The following UNKL variants were observed in gnomAD, a reference collection of about 807,000 sequenced individuals.
UNKL encodes the protein unk like zinc finger, also known as putative E3 ubiquitin-protein ligase UNKL.
UNKL carries 60 observed loss-of-function variants against 78.0 expected under a neutral mutation model. That is an observed-to-expected ratio of 0.77 (90% confidence interval 0.63 to 0.95). The LOEUF (loss-of-function observed/expected upper bound fraction) is 0.95. Among genes scored for constraint, UNKL ranks in the 40% least tolerant of loss-of-function variants. UNKL has a pLI of 0.00. For synonymous variants in UNKL, 608 were observed against 474.8 expected, an observed-to-expected ratio of 1.28 and a Z score of -3.65; for missense variants, 1,159 against 1,045.7, an observed-to-expected ratio of 1.11 and a Z score of -1.49.
At chr16:1,390,576 G>A in intron 9 of UNKL, 56 bp downstream of exon 9, 1 of 1,514,554 alleles carries the variant, frequency 6.6e-7, no homozygotes, top group Non-Finnish European at 8.9e-7. Flanking sequence ...AGGGCGGGAA[G>A]CCTCAGCCCT....
rs1404307702 is a variant in UNKL at position 1,399,013 on chromosome 16, T to G, written c.734+361A>C. ...TGGCAGCTTGGGTGAGGAGACAGCATGCAGCCCACAGGCTGGAGAGCGTGG... is the reference window on the plus strand; with the variant it reads ...TGGCAGCTTGGGTGAGGAGACAGCAGGCAGCCCACAGGCTGGAGAGCGTGG... On this transcript the variant is annotated intron_variant, in intron 5 of 14. Transcript: ENST00000389221. This position sits in a 1 kb window ranked among gnomAD's most constrained non-coding sequence, Gnocchi z 5.8. 2 of 1,458,852 alleles carry G rather than the reference T, an allele frequency of 1.4e-6. No individual in the cohort carries two copies. The highest frequency in any genetic ancestry group is 2.5e-5 in the East Asian group (1 of 39,830). 90.4% of individuals were successfully genotyped at this position (1,458,852 alleles called of 1,614,324 possible). A position where few individuals can be genotyped will look rare whatever the true frequency, so the allele number is the denominator to read the frequency against.
At chr16:1,401,036 T>C (rs1194072617) in intron 4 of UNKL, among the ~76,000 whole-genome samples, 1 of 151,984 alleles carries the variant, frequency 6.6e-6, no homozygotes, top group Non-Finnish European at 1.5e-5. Context: ...TATAACCTCA[T>C]CTGTGTGCCA....
At position 1,399,444 on chromosome 16, in the gene UNKL, G is replaced by T; in HGVS notation, c.664C>A (p.Gln222Lys). 6.2e-7 allele frequency: 1 copy of T among 1,604,860 alleles called. No homozygotes were observed. Among genetic ancestry groups the T allele is most frequent in the Non-Finnish European group, 8.5e-7 (1 of 1,176,410 alleles). The part of the protein sequence containing the change: ...QCPKPPRLCR[Q>K]GYACPHYHNS... ...TGGTAGTGTGGGCACGCATAGCCCT[G>T]GCGGCACAGGCGTGGCGGCTTCGGG... Residue 222 changes from glutamine (Q) to lysine (K), a missense_variant, in exon 5 of 15, where the codon CAG becomes AAG. Physicochemically the swap from Gln to Lys is moderately conservative, Grantham distance 53 (BLOSUM62 1). Coordinates refer to ENST00000389221, the MANE Select transcript of UNKL (RefSeq NM_001372107.1). This position sits in a 1 kb window ranked among gnomAD's most constrained non-coding sequence, Gnocchi z 5.8.
intron 11 of UNKL, among the ~76,000 whole-genome samples, 196 bp downstream of exon 11, chr16:1,371,323 A>T (rs1393531449): frequency 2.0e-5 from 3 of 152,084 alleles, no homozygotes; most frequent in Non-Finnish European, 2.9e-5. Flanking sequence ...GAGGAGGAGG[A>T]GGTACCGCCA....
rs144573381 is a variant in UNKL, at chr16:1,392,747, T to C, written c.1023+144A>G. 9,824 of 1,012,318 alleles carry C rather than the reference T, an allele frequency of 9.7e-3. 122 individuals are homozygous for C. Among genetic ancestry groups the C allele is most frequent in the South Asian group, 0.035 (2,259 of 64,114 alleles). The allele number at this position is 1,012,318 out of a possible 1,614,324, so 62.7% of individuals were successfully genotyped here. On this transcript the variant is annotated intron_variant, in intron 8 of 14. Transcript: ENST00000389221. ...ACTGCCCCCAGCCTAGTGGCAAGGA[T>C]TTTTCTAGACTCTTCTAGAAGAGCC...
intron 10 of UNKL, among the ~76,000 whole-genome samples, chr16:1,376,562 C>A (rs2036241044): frequency 6.6e-6 from 1 of 152,146 alleles, no homozygotes. Context: ...TGGGGGCCAC[C>A]TCTTCCGAGT....
At chr16:1,383,064 G>A (rs2036662619) in intron 10 of UNKL, among the ~76,000 whole-genome samples, 1 of 148,592 alleles carries the variant, frequency 6.7e-6, no homozygotes, top group African/African-American at 2.5e-5. Flanking sequence ...TCAAGACCAG[G>A]CTGGCCAATA....
intron 10 of UNKL, chr16:1,383,786 A>G: frequency 2.3e-6 from 1 of 438,660 alleles, no homozygotes; most frequent in Non-Finnish European, 4.7e-6. Flanking sequence ...TCCCACTCCA[A>G]GTCCCCAGAG....
intron 2 of UNKL, chr16:1,406,184 A>C (rs2037754437): frequency 2.6e-6 from 1 of 383,668 alleles, no homozygotes; most frequent in South Asian, 1.8e-5. Flanking sequence ...TGATGGGAGG[A>C]ACAGGCGTAC....
chr16:1,385,726 C>T lies in UNKL; in HGVS notation c.1087-341G>A, dbSNP rs535604583. Among the ~76,000 whole-genome samples, 9 of 152,366 alleles carry T rather than the reference C, an allele frequency of 5.9e-5. No homozygotes were observed. In the East Asian group the frequency reaches 1.5e-3, roughly 26 times the overall value. On this transcript the variant is annotated intron_variant, in intron 9 of 14. Transcript: ENST00000389221. Reference sequence around the variant, plus strand: ...GTCAGCGGCCAGGAGCCCGCCAGCCCGAGGGGCAAGCCGTGCAGCCTGCCT... The same window carrying T: ...GTCAGCGGCCAGGAGCCCGCCAGCCTGAGGGGCAAGCCGTGCAGCCTGCCT...
chr16:1,399,375 T>C lies in UNKL; in HGVS notation c.733A>G (p.Arg245Gly). Reference protein sequence around the residue: ...RRRNPRRFQYRSTPCPSVKHG... With the variant: ...RRRNPRRFQYGSTPCPSVKHG... ...CTGAGCACGGTCCCGCAGGCTCACC[T>C]GTACTGGAACCGCCGGGGGTTGCGC... Residue 245 changes from arginine (R) to glycine (G), a missense_variant and splice_region_variant, in exon 5 of 15, where the codon AGG (arginine) becomes GGG (glycine). Arg to Gly is a moderately radical substitution (Grantham distance 125, BLOSUM62 -2). Coordinates refer to ENST00000389221, the MANE Select transcript of UNKL (RefSeq NM_001372107.1). The surrounding 1 kb of genome is among the most constrained non-coding windows in gnomAD (Gnocchi z 5.8). 5 of 1,591,200 alleles carry C rather than the reference T, an allele frequency of 3.1e-6. No individual in the cohort carries two copies. The highest frequency in any genetic ancestry group is 4.3e-6 in the Non-Finnish European group (5 of 1,167,310).
In UNKL at chr16:1,399,069, G is replaced by A. The variant is rs1368435986; in HGVS notation, c.734+305C>T. 2 of 1,365,356 alleles carry A rather than the reference G, an allele frequency of 1.5e-6. No individual in the cohort carries two copies. Among genetic ancestry groups the A allele is most frequent in the Non-Finnish European group, 1.9e-6 (2 of 1,035,100 alleles). The allele number at this position is 1,365,356 out of a possible 1,614,324, so 84.6% of individuals were successfully genotyped here. A position where few individuals can be genotyped will look rare whatever the true frequency, so the allele number is the denominator to read the frequency against. ...ACCAGAGGCACGGGTGGGGCACACG[G>A]GGGTCCCAGCTGGGCTTGGGGTCCC... On this transcript the variant is annotated intron_variant, in intron 5 of 14. Coordinates refer to ENST00000389221, the MANE Select transcript of UNKL (RefSeq NM_001372107.1). The surrounding 1 kb of genome is among the most constrained non-coding windows in gnomAD (Gnocchi z 5.8).
rs1156820125 is a variant in UNKL at position 1,366,277 on chromosome 16, T to C, written c.2165A>G (p.Glu722Gly). ...GGGCTGGCCCTTGCAGTAGGGGCAC[T>C]CAGGTGCGGTGGCCGCACACGGCTC... ...LCEPCAATAP[E>G]CPYCKGQPLQ... Residue 722 changes from glutamate (E) to glycine (G), a missense_variant, in exon 15 of 15, where the codon GAG becomes GGG. Coordinates refer to ENST00000389221, the MANE Select transcript of UNKL (RefSeq NM_001372107.1). The C allele has an allele frequency of 6.3e-7, 1 of 1,592,266 alleles. No individual in the cohort carries two copies. Among genetic ancestry groups the C allele is most frequent in the Admixed American group, 1.7e-5 (1 of 57,502 alleles).
chr16:1,400,849 G>A (rs948666601), intron 4 of UNKL, among the ~76,000 whole-genome samples: 5 of 151,900 alleles, frequency 3.3e-5, no homozygotes, highest in Non-Finnish European at 5.9e-5. Flanking sequence ...CACCACAACC[G>A]GCTAATTTTT....
chr16:1,379,545 G>A (rs1459320933), intron 10 of UNKL: 2 of 985,066 alleles, frequency 2.0e-6, no homozygotes, highest in Non-Finnish European at 2.4e-6. Context: ...GGCGGGGGGC[G>A]CACCTAAGGG....
intron 2 of UNKL, among the ~76,000 whole-genome samples, chr16:1,412,917 C>T (rs1002511607): frequency 5.9e-5 from 9 of 151,964 alleles, no homozygotes; most frequent in Admixed American, 2.0e-4. Context: ...AGGCACTTGG[C>T]CAGAGGTTGG....
chr16:1,370,078 A>G, intron 12 of UNKL, 52 bp downstream of exon 12: 2 of 1,546,734 alleles, frequency 1.3e-6, no homozygotes, highest in African/African-American at 1.4e-5. Flanking sequence ...TCTGGGAGGG[A>G]GCCCCACGGA....
Position 1,367,821 on chromosome 16 carries a change from A to C in UNKL, c.1623T>G (p.Val541=). ...AGGGGCTGGGGGAGAAGCTGCCGGA[A>C]ACAAAGTCCCAGATGCTCCCGGGGA... ...NGVPGSIWDF[V]SGSFSPSPSP... The change falls in exon 13 of 15, where the codon GTT becomes GTG. Residue 541 remains valine (V), a synonymous_variant. Coordinates refer to ENST00000389221, the MANE Select transcript of UNKL (RefSeq NM_001372107.1). 6.3e-7 allele frequency: 1 copy of C among 1,575,430 alleles called. No individual in the cohort carries two copies. Among genetic ancestry groups the C allele is most frequent in the Non-Finnish European group, 8.6e-7 (1 of 1,161,572 alleles).
intron 4 of UNKL, chr16:1,401,241 G>A (rs1332293857): frequency 8.6e-6 from 2 of 232,540 alleles, no homozygotes; most frequent in East Asian, 1.7e-4. Context: ...TGCCTGGTGG[G>A]CGCCCCGGCT....
Sources: gnomAD v4.1 joint callset for allele counts (sites outside exome capture counted in the v4.1 genomes callset) on GRCh38, gnomAD v4.1.1 for gene constraint, Gnocchi (gnomAD v3.1) non-coding constraint, MANE v1.5 for transcripts, NCBI Gene and HGNC (gene_info 2026-07-23, HGNC 2026-07-21) for gene names.